ACER3: variants seen among roughly 807,000 people sequenced by gnomAD.
ACER3 encodes the protein alkCDase 3.
ACER3 carries 16 observed loss-of-function variants against 48.9 expected under a neutral mutation model. The ratio of observed to expected loss-of-function variants is 0.33; its 90% CI spans 0.22 to 0.50. The LOEUF (loss-of-function observed/expected upper bound fraction) is 0.50. ACER3 is among the 20% of genes least tolerant of loss of function. ACER3 has a pLI of 0.98. For synonymous variants in ACER3, 109 were observed against 107.8 expected (o/e 1.01, Z -0.07); for missense variants, 227 against 326.0 (o/e 0.70, Z 2.34).
intron 3 of ACER3, among the ~76,000 whole-genome samples, chr11:76,965,627 A>T (rs1407177041): frequency 6.6e-6 from 1 of 151,382 alleles, no homozygotes; most frequent in African/African-American, 2.5e-5. Flanking sequence ...AAACTCTACA[A>T]GCCAGAAGAG....
At chr11:76,974,776 TAA>T (rs11323448) in intron 3 of ACER3, among the ~76,000 whole-genome samples, 12 of 151,288 alleles carry the variant, frequency 7.9e-5, no homozygotes, top group South Asian at 2.1e-4. Context: ...ATGAAGGGGT[TAA>T]AAAAAAAGGT....
At chr11:76,901,067 A>T (rs1363844691) in intron 1 of ACER3, among the ~76,000 whole-genome samples, 1 of 152,060 alleles carries the variant, frequency 6.6e-6, no homozygotes, top group Admixed American at 6.6e-5. Context: ...CCAGACTTTC[A>T]TGATGTTCTG....
Position 76,890,914 on chromosome 11 carries a change from G to T in ACER3, c.103+29835G>T, listed in dbSNP as rs192406205. Among the ~76,000 whole-genome samples the T allele has an allele frequency of 2.4e-3, 359 of 152,156 alleles. 2 individuals carry two copies. Among genetic ancestry groups the T allele is most frequent in the Non-Finnish European group, 3.5e-3 (241 of 67,990 alleles). On this transcript the variant is annotated intron_variant, in intron 1 of 10. Coordinates refer to ENST00000532485, the MANE Select transcript of ACER3 (RefSeq NM_018367.7). Reference sequence around the variant, plus strand: ...GCAGGCGGATCACCTGAGGTCAGGAGTTCGAGACCCGTGGCCAATATGACA... The same window carrying T: ...GCAGGCGGATCACCTGAGGTCAGGATTTCGAGACCCGTGGCCAATATGACA...
At chr11:76,871,710 C>T (rs1945244321) in intron 1 of ACER3, among the ~76,000 whole-genome samples, 1 of 152,170 alleles carries the variant, frequency 6.6e-6, no homozygotes, top group African/African-American at 2.4e-5. Flanking sequence ...AGACTCTCAG[C>T]TACTCTCTTC....
intron 2 of ACER3, among the ~76,000 whole-genome samples, chr11:76,941,510 C>T (rs191828896): frequency 3.9e-5 from 6 of 151,988 alleles, no homozygotes; most frequent in African/African-American, 1.2e-4. Context: ...TTTTTTGAGA[C>T]AGAGTCTTGC....
chr11:77,004,700 G>T (rs1949098623), intron 7 of ACER3, among the ~76,000 whole-genome samples: 1 of 152,162 alleles, frequency 6.6e-6, no homozygotes, highest in Non-Finnish European at 1.5e-5. Context: ...TTGCTCTGAA[G>T]TCTAATTTAT....
intron 6 of ACER3, among the ~76,000 whole-genome samples, chr11:76,996,671 C>T (rs1206307402): frequency 8.6e-5 from 13 of 150,590 alleles, no homozygotes; most frequent in African/African-American, 2.0e-4. Context: ...CCACCCACCT[C>T]GGCCTCCCAA....
intron 1 of ACER3, among the ~76,000 whole-genome samples, chr11:76,925,407 G>C (rs1412040637): frequency 6.6e-6 from 1 of 152,214 alleles, no homozygotes; most frequent in Non-Finnish European, 1.5e-5. Flanking sequence ...TACAGTTATA[G>C]AGGACTGGTT....
In ACER3 at chr11:76,894,439, A is replaced by G. The variant is rs367707320; in HGVS notation, c.104-32118A>G. On this transcript the variant is annotated intron_variant, in intron 1 of 10. Coordinates refer to ENST00000532485, the MANE Select transcript of ACER3 (RefSeq NM_018367.7). ...TCATAGACATGTAATTGTCACAAAA[A>G]TTGGAGGCCACATAGTATAATTAAT... Among the ~76,000 whole-genome samples the G allele has an allele frequency of 1.6e-4, 24 of 152,266 alleles. No homozygotes were observed. The East Asian group carries it at 3.9e-3, about 24-fold the overall frequency.
chr11:76,880,061 T>C (rs1945484124), intron 1 of ACER3, among the ~76,000 whole-genome samples: 1 of 152,198 alleles, frequency 6.6e-6, no homozygotes, highest in African/African-American at 2.4e-5. Context: ...ATCAGTAATT[T>C]GTATATTCTC....
intron 1 of ACER3, among the ~76,000 whole-genome samples, chr11:76,904,739 C>T (rs1946174689): frequency 2.0e-5 from 3 of 152,162 alleles, no homozygotes; most frequent in Admixed American, 6.5e-5. Flanking sequence ...TCCATGGTAC[C>T]ACCTCCTACT....
chr11:76,887,301 A>G (rs1945697073), intron 1 of ACER3, among the ~76,000 whole-genome samples: 1 of 152,128 alleles, frequency 6.6e-6, no homozygotes, highest in Non-Finnish European at 1.5e-5. Context: ...TTAACTTTCT[A>G]GAAAATATTT....
At chr11:76,927,115 A>T (rs895437221) in intron 2 of ACER3, among the ~76,000 whole-genome samples, 1 of 152,112 alleles carries the variant, frequency 6.6e-6, no homozygotes, top group South Asian at 2.1e-4. Context: ...TCATGTTTTC[A>T]TGTTTATACT....
At chr11:76,908,648 A>G (rs1371076322) in intron 1 of ACER3, among the ~76,000 whole-genome samples, 5 of 152,256 alleles carry the variant, frequency 3.3e-5, no homozygotes, top group Admixed American at 1.3e-4. Flanking sequence ...GAAAGAATCA[A>G]TATTGTGAAA....
chr11:77,012,416 CAAA>C (rs35917677), intron 7 of ACER3, among the ~76,000 whole-genome samples: 1 of 21,386 alleles, frequency 4.7e-5, no homozygotes, highest in Non-Finnish European at 1.0e-4. Flanking sequence ...GACTCCATCT[CAAA>C]AAAAAAAAAA....
chr11:76,864,334 C>A (rs911963031), intron 1 of ACER3, among the ~76,000 whole-genome samples: 1 of 152,146 alleles, frequency 6.6e-6, no homozygotes, highest in African/African-American at 2.4e-5. Context: ...CAAGTTAAAA[C>A]CAGGTAACAC....
chr11:76,970,959 G>A (rs1948282471), intron 3 of ACER3, among the ~76,000 whole-genome samples: 1 of 152,048 alleles, frequency 6.6e-6, no homozygotes, highest in African/African-American at 2.4e-5. Context: ...CATATCAATG[G>A]AATCATATAA....
At chr11:76,894,721 G>A (rs1014357159) in intron 1 of ACER3, among the ~76,000 whole-genome samples, 2 of 152,186 alleles carry the variant, frequency 1.3e-5, no homozygotes, top group East Asian at 3.8e-4. Flanking sequence ...GGAAAATATT[G>A]CAAAGATGTC....
At chr11:76,901,863 C>T (rs1443897598) in intron 1 of ACER3, among the ~76,000 whole-genome samples, 2 of 152,070 alleles carry the variant, frequency 1.3e-5, no homozygotes, top group Non-Finnish European at 2.9e-5. Context: ...GGTGTGGTGC[C>T]GGGCTGTCTG....
Sources: allele counts gnomAD v4.1 joint callset (sites outside exome capture counted in the v4.1 genomes callset), GRCh38; gene constraint gnomAD v4.1.1; transcripts MANE v1.5; gene names NCBI Gene and HGNC (gene_info 2026-07-23, HGNC 2026-07-21).